The following SYT1 variants were observed in gnomAD, a reference collection of about 807,000 sequenced individuals.
The protein encoded by SYT1 is synaptotagmin-1.
In SYT1, 8 loss-of-function variants were observed where a neutral mutation model predicts 44.8. The observed-to-expected ratio is 0.18, with a 90% CI of 0.10 to 0.32. The LOEUF is 0.32. SYT1 is among the 10% of genes least tolerant of loss of function. The probability of loss-of-function intolerance (pLI) is 1.00; values close to 1 mark genes in which losing one functional copy is unlikely to be tolerated. For synonymous variants in SYT1, 154 were observed against 188.8 expected, an observed-to-expected ratio of 0.82 and a Z score of 1.51; for missense variants, 286 against 509.3, an observed-to-expected ratio of 0.56 and a Z score of 4.22.
At chr12:78,875,223 A>G (rs1191668886) in intron 1 of SYT1, among the ~76,000 whole-genome samples, 1 of 151,582 alleles carries the variant, frequency 6.6e-6, no homozygotes, top group Admixed American at 6.6e-5. Flanking sequence ...GGAATAATAT[A>G]TTTCTTCGGT....
At chr12:79,234,712 CTT>C (rs869074290) in intron 4 of SYT1, among the ~76,000 whole-genome samples, 188 of 28,800 alleles carry the variant, frequency 6.5e-3, no homozygotes, top group African/African-American at 0.019. Context: ...TTCTTTCTTT[CTT>C]TTTTTTTTTT....
Position 79,047,381 on chromosome 12 carries a change from CAAT to C in SYT1, c.-18+20_-18+22del, listed in dbSNP as rs1188438349. 6.6e-6 allele frequency: 1 copy of C among 151,644 alleles called. No individual in the cohort carries two copies. Among genetic ancestry groups the C allele is most frequent in the Non-Finnish European group, 1.5e-5 (1 of 67,710 alleles). The allele number at this position is 151,644 out of a possible 1,614,324, so 9.4% of individuals were successfully genotyped here. A position where few individuals can be genotyped will look rare whatever the true frequency, so the allele number is the denominator to read the frequency against. ...TAGAACAGTAAGTACTTTAATGACA[CAAT>C]GATGATAATAAATCTGTAAAATTAG... On this transcript the variant is annotated intron_variant, in intron 3 of 10. Transcript: ENST00000261205.
chr12:79,211,408 T>C (rs1187808414), intron 3 of SYT1, among the ~76,000 whole-genome samples: 1 of 152,190 alleles, frequency 6.6e-6, no homozygotes, highest in Non-Finnish European at 1.5e-5. Context: ...AATTTTTTAT[T>C]GAGAATTTCT....
intron 9 of SYT1, among the ~76,000 whole-genome samples, chr12:79,401,861 G>A (rs1285095872): frequency 6.6e-6 from 1 of 151,842 alleles, no homozygotes; most frequent in African/African-American, 2.4e-5. Flanking sequence ...TAAAGTCATG[G>A]TCTTGCTATG....
rs1333788981 is a variant in SYT1, at chr12:79,319,841, A to G, written c.810+20290A>G. The stretch of plus-strand genomic sequence containing the variant: ...TAGTGCAAGTTCCTGGAAAAACGCA[A>G]TAATGTCTTCCATCTCTTTCATCAC... On this transcript the variant is annotated intron_variant, in intron 8 of 10. Transcript: ENST00000261205. 2.0e-5 allele frequency among the ~76,000 whole-genome samples: 3 copies of G among 152,254 alleles called. No homozygotes were observed. In the East Asian group the frequency reaches 5.8e-4, roughly 29 times the overall value.
intron 4 of SYT1, among the ~76,000 whole-genome samples, chr12:79,231,429 C>T (rs1163791027): frequency 6.6e-6 from 1 of 151,972 alleles, no homozygotes; most frequent in East Asian, 1.9e-4. Context: ...AATTTCAAAA[C>T]CACTTGAACC....
At chr12:78,941,717 T>G (rs1485242609) in intron 1 of SYT1, among the ~76,000 whole-genome samples, 1 of 152,208 alleles carries the variant, frequency 6.6e-6, no homozygotes, top group Non-Finnish European at 1.5e-5. Context: ...CTTTTCTATA[T>G]TCTCTGATCC....
intron 1 of SYT1, among the ~76,000 whole-genome samples, chr12:78,973,910 G>A (rs554756506): frequency 9.4e-5 from 4 of 42,622 alleles, no homozygotes; most frequent in African/African-American, 3.2e-4. Context: ...AGGAAGAGAC[G>A]AACACCAAAA....
chr12:79,071,645 C>T (rs2137902104), intron 3 of SYT1, among the ~76,000 whole-genome samples: 1 of 152,272 alleles, frequency 6.6e-6, no homozygotes, highest in Admixed American at 6.5e-5. Context: ...CTCTGAACTC[C>T]TTTAGGGAAG....
intron 1 of SYT1, among the ~76,000 whole-genome samples, chr12:78,973,000 C>T (rs61928067): frequency 0.072 from 10,988 of 152,128 alleles, 442 homozygotes; most frequent in African/African-American, 0.1. Context: ...TTAGGACAAA[C>T]GTATTTTGCT....
At chr12:78,909,333 T>A (rs1369508036) in intron 1 of SYT1, among the ~76,000 whole-genome samples, 1 of 151,994 alleles carries the variant, frequency 6.6e-6, no homozygotes, top group Non-Finnish European at 1.5e-5. Flanking sequence ...TTCGTCTGTT[T>A]CCTTATTTTC....
chr12:79,224,288 C>T (rs531855925), intron 4 of SYT1, among the ~76,000 whole-genome samples: 43 of 151,834 alleles, frequency 2.8e-4, no homozygotes, highest in Non-Finnish European at 6.0e-4. Context: ...ACTCACAGAG[C>T]TTATATTCTA....
chr12:79,331,220 A>T (rs1802892222), intron 8 of SYT1, among the ~76,000 whole-genome samples: 1 of 152,152 alleles, frequency 6.6e-6, no homozygotes, highest in Admixed American at 6.6e-5. Context: ...ACTCTGGATA[A>T]ATTTAGAAGT....
At chr12:79,059,677 T>C (rs1668729039) in intron 3 of SYT1, among the ~76,000 whole-genome samples, 1 of 152,094 alleles carries the variant, frequency 6.6e-6, no homozygotes. Context: ...TCAACAATTA[T>C]GAAAGTGGCT....
At chr12:79,323,595 G>A (rs1047488024) in intron 8 of SYT1, among the ~76,000 whole-genome samples, 1 of 152,052 alleles carries the variant, frequency 6.6e-6, no homozygotes, top group Non-Finnish European at 1.5e-5. Flanking sequence ...CTAACAAACT[G>A]AGCCTTTAGC....
chr12:79,363,752 G>A (rs1415217519), intron 9 of SYT1, among the ~76,000 whole-genome samples: 1 of 150,620 alleles, frequency 6.6e-6, no homozygotes, highest in Non-Finnish European at 1.5e-5. Context: ...AAAAAAAATT[G>A]TACTTTATTA....
chr12:79,016,715 G>C (rs1378233287), intron 2 of SYT1, among the ~76,000 whole-genome samples: 3 of 152,112 alleles, frequency 2.0e-5, no homozygotes, highest in Admixed American at 1.3e-4. Context: ...TGATGTCATG[G>C]AGGAGGCATG....
At chr12:79,166,853 A>G (rs920891105) in intron 3 of SYT1, among the ~76,000 whole-genome samples, 1 of 152,042 alleles carries the variant, frequency 6.6e-6, no homozygotes, top group Non-Finnish European at 1.5e-5. Context: ...CAGTTTTGCT[A>G]GCCATGTTAT....
At chr12:79,435,488 C>T (rs1212282281) in intron 9 of SYT1, among the ~76,000 whole-genome samples, 2 of 152,108 alleles carry the variant, frequency 1.3e-5, no homozygotes, top group African/African-American at 2.4e-5. Flanking sequence ...ATTTTCCTTA[C>T]GTCTCTGTCT....
Sources: gnomAD v4.1 joint callset for allele counts (sites outside exome capture counted in the v4.1 genomes callset) on GRCh38, gnomAD v4.1.1 for gene constraint, MANE v1.5 for transcripts, NCBI Gene and HGNC (gene_info 2026-07-23, HGNC 2026-07-21) for gene names.